AKAP13: variants seen among roughly 807,000 people sequenced by gnomAD.
AKAP13 encodes the protein A-kinase anchor protein 13.
A neutral mutation model predicts 264.5 loss-of-function variants in AKAP13; 80 were observed. The observed-to-expected ratio is 0.30, with a 90% CI of 0.25 to 0.36. The LOEUF is 0.36. AKAP13 is among the 10% of genes least tolerant of loss of function. AKAP13 has a pLI of 1.00. For missense variants in AKAP13, 3,712 were observed against 3,435.2 expected (o/e 1.08, Z -2.01); for synonymous variants, 1,380 against 1,250.2 (o/e 1.10, Z -2.19).
chr15:85,397,581 A>G (rs2071180301), intron 1 of AKAP13, among the ~76,000 whole-genome samples: 1 of 152,180 alleles, frequency 6.6e-6, no homozygotes, highest in Non-Finnish European at 1.5e-5. Flanking sequence ...CTTATTGGGA[A>G]CCATTATTGA....
At chr15:85,483,966 C>G (rs1242348584) in intron 1 of AKAP13, among the ~76,000 whole-genome samples, 1 of 152,126 alleles carries the variant, frequency 6.6e-6, no homozygotes, top group Admixed American at 6.5e-5. Flanking sequence ...TTGGACGACA[C>G]TCTTTTAATT....
intron 17 of AKAP13, among the ~76,000 whole-genome samples, chr15:85,704,016 A>G (rs534388464): frequency 5.3e-5 from 8 of 151,952 alleles, no homozygotes; most frequent in African/African-American, 1.9e-4. Flanking sequence ...TTTTATTTTC[A>G]TTTTCTTGGT....
At chr15:85,737,317 C>T (rs1362923052) in intron 33 of AKAP13, among the ~76,000 whole-genome samples, 1 of 152,122 alleles carries the variant, frequency 6.6e-6, no homozygotes. Context: ...CCCCATCCCA[C>T]CCCCAGGACT....
intron 2 of AKAP13, among the ~76,000 whole-genome samples, chr15:85,513,199 T>G (rs1328222391): frequency 6.6e-6 from 1 of 152,166 alleles, no homozygotes; most frequent in African/African-American, 2.4e-5. Context: ...AAAAGGCGCT[T>G]GTGTGAGCAT....
At chr15:85,482,605 A>G (rs551210924) in intron 1 of AKAP13, among the ~76,000 whole-genome samples, 1 of 152,328 alleles carries the variant, frequency 6.6e-6, no homozygotes. Flanking sequence ...TGTGGGGGGA[A>G]AAACACACGT....
intron 8 of AKAP13, among the ~76,000 whole-genome samples, chr15:85,630,815 A>G (rs2081748967): frequency 6.6e-6 from 1 of 152,220 alleles, no homozygotes; most frequent in Non-Finnish European, 1.5e-5. Flanking sequence ...AAGAATGTAG[A>G]AAAATTGTTG....
intron 1 of AKAP13, among the ~76,000 whole-genome samples, chr15:85,444,183 C>T (rs374405693): frequency 3.3e-4 from 51 of 152,284 alleles, no homozygotes; most frequent in African/African-American, 1.2e-3. Context: ...TTAGGGCTTT[C>T]CACTCGAGCC....
intron 7 of AKAP13, chr15:85,583,151 C>A (rs1286081914): frequency 1.0e-6 from 1 of 985,362 alleles, no homozygotes; most frequent in East Asian, 1.1e-4. Flanking sequence ...ATGCTTGCCC[C>A]TAGGCTTTTG....
At chr15:85,398,459 T>TA (rs1053012809) in intron 1 of AKAP13, among the ~76,000 whole-genome samples, 13 of 152,232 alleles carry the variant, frequency 8.5e-5, no homozygotes, top group Non-Finnish European at 1.9e-4. Flanking sequence ...TGTACATATA[T>TA]ACAGCCCATA....
intron 8 of AKAP13, among the ~76,000 whole-genome samples, chr15:85,606,462 A>G (rs2080345773): frequency 6.6e-6 from 1 of 152,146 alleles, no homozygotes. Flanking sequence ...TCAGATATGC[A>G]TATTTATTTA....
At chr15:85,732,794 A>G (rs2088150475) in intron 30 of AKAP13, among the ~76,000 whole-genome samples, 2 of 150,502 alleles carry the variant, frequency 1.3e-5, no homozygotes, top group South Asian at 4.2e-4. Context: ...TAATAGTATT[A>G]CTATTACTAT....
At chr15:85,665,928 A>C (rs1422898819) in intron 13 of AKAP13, among the ~76,000 whole-genome samples, 1 of 152,080 alleles carries the variant, frequency 6.6e-6, no homozygotes, top group East Asian at 1.9e-4. Context: ...CCAGTCTATC[A>C]TGGACATTTG....
chr15:85,526,126 G>C (rs2077032572), intron 3 of AKAP13, among the ~76,000 whole-genome samples: 1 of 152,074 alleles, frequency 6.6e-6, no homozygotes, highest in African/African-American at 2.4e-5. Context: ...TTATAAAGTA[G>C]ATTTGTCATT....
intron 14 of AKAP13, among the ~76,000 whole-genome samples, chr15:85,681,654 GC>G (rs2084606363): frequency 6.8e-6 from 1 of 147,878 alleles, no homozygotes; most frequent in Admixed American, 6.7e-5. Context: ...GACTTGATAA[GC>G]CAGCTCTGAT....
chr15:85,706,446 G>A (rs935111496), intron 17 of AKAP13, among the ~76,000 whole-genome samples: 2 of 152,142 alleles, frequency 1.3e-5, no homozygotes, highest in Non-Finnish European at 1.5e-5. Flanking sequence ...AGGGAACCTG[G>A]GGGAAAATGT....
At chr15:85,631,678 G>A (rs1567165548) in intron 8 of AKAP13, among the ~76,000 whole-genome samples, 1 of 152,114 alleles carries the variant, frequency 6.6e-6, no homozygotes, top group Non-Finnish European at 1.5e-5. Flanking sequence ...TGGTTTCTTA[G>A]TATTGACAAC....
intron 15 of AKAP13, among the ~76,000 whole-genome samples, chr15:85,684,071 A>C (rs748624317): frequency 8.5e-5 from 13 of 152,188 alleles, no homozygotes; most frequent in Non-Finnish European, 1.6e-4. Context: ...GTCAGTCATA[A>C]GATTCCTTGG....
chr15:85,488,375 A>G (rs1440551461), intron 2 of AKAP13, among the ~76,000 whole-genome samples: 2 of 152,196 alleles, frequency 1.3e-5, no homozygotes, highest in East Asian at 1.9e-4. Flanking sequence ...GATATGTTCT[A>G]TAGCTTTCTT....
intron 8 of AKAP13, among the ~76,000 whole-genome samples, chr15:85,630,234 A>ACACACACACAC (rs2081680818): frequency 8.4e-6 from 1 of 119,064 alleles, no homozygotes; most frequent in Admixed American, 8.7e-5. Context: ...GGAAAATTGT[A>ACACACACACAC]ACACACACAC....
Sources: allele counts gnomAD v4.1 joint callset (sites outside exome capture counted in the v4.1 genomes callset), GRCh38; gene constraint gnomAD v4.1.1; transcripts MANE v1.5; gene names NCBI Gene and HGNC (gene_info 2026-07-23, HGNC 2026-07-21).